CMYA5: variants seen among roughly 807,000 people sequenced by gnomAD.
CMYA5 encodes cardiomyopathy associated 5.
Under a neutral mutation model 318.9 loss-of-function variants are expected in CMYA5, and 246 were observed. The ratio of observed to expected loss-of-function variants is 0.77; its 90% CI spans 0.70 to 0.86. The LOEUF is 0.86. CMYA5 is among the 40% of genes least tolerant of loss of function. CMYA5 has a pLI of 0.00. For synonymous variants in CMYA5, 1,641 were observed against 1,729.5 expected (o/e 0.95, Z 1.27); for missense variants, 4,589 against 4,678.2 (o/e 0.98, Z 0.56).
chr5:79,766,304 T>C (rs1162322906), intron 9 of CMYA5, among the ~76,000 whole-genome samples: 3 of 152,168 alleles, frequency 2.0e-5, no homozygotes, highest in Non-Finnish European at 1.5e-5. Flanking sequence ...GGTTTCACCA[T>C]GTTAGCCAGG....
rs1157984930 is a variant in CMYA5 at position 79,729,587 on chromosome 5, C to A, written c.822C>A (p.Asp274Glu). The A allele has an allele frequency of 1.2e-6, 2 of 1,613,202 alleles. No individual in the cohort carries two copies. Among genetic ancestry groups the A allele is most frequent in the Non-Finnish European group, 1.7e-6 (2 of 1,179,334 alleles). Residue 274 changes from aspartate to glutamate, a missense_variant, in exon 2 of 13, where the codon GAC (aspartate) becomes GAA (glutamate). Physicochemically the swap from Asp to Glu is conservative, Grantham distance 45. Around this residue, in one of 3 missense-constraint regions of CMYA5, gnomAD observed 2,132 missense variants for 2,131.3 expected, o/e 1.00. Transcript: ENST00000446378. ...DASISLEPDL[D>E]NSGSNTVSKT... ...CCATTAGTCTAGAGCCAGATTTGGA[C>A]AATAGTGGTTCTAATACAGTGTCCA...
intron 5 of CMYA5, among the ~76,000 whole-genome samples, chr5:79,747,315 A>G (rs1223533826): frequency 1.3e-5 from 2 of 152,230 alleles, no homozygotes; most frequent in African/African-American, 2.4e-5. Context: ...TTAAATAACA[A>G]TTATCATAAT....
At chr5:79,794,578 C>T (rs752632713) in intron 12 of CMYA5, among the ~76,000 whole-genome samples, 65 of 152,314 alleles carry the variant, frequency 4.3e-4, no homozygotes, top group Admixed American at 9.8e-4. Context: ...TCATCTAGCT[C>T]AGCAGGGGAC....
chr5:79,723,324 A>C (rs1248103595), intron 1 of CMYA5, among the ~76,000 whole-genome samples: 1 of 152,062 alleles, frequency 6.6e-6, no homozygotes, highest in Non-Finnish European at 1.5e-5. Flanking sequence ...CTGTAATCCC[A>C]GCTACTCGGG....
chr5:79,757,964 T>G (rs1016476773), intron 6 of CMYA5, among the ~76,000 whole-genome samples: 1 of 152,228 alleles, frequency 6.6e-6, no homozygotes, highest in African/African-American at 2.4e-5. Flanking sequence ...GCGCGGTGGC[T>G]CACGCCTGTA....
intron 1 of CMYA5, among the ~76,000 whole-genome samples, chr5:79,699,660 G>C (rs1211658738): frequency 2.0e-5 from 3 of 152,186 alleles, no homozygotes. Context: ...AGTGAACCGA[G>C]GGTATCACCC....
At chr5:79,791,182 G>C in intron 11 of CMYA5, 113 bp downstream of exon 11, 1 of 679,762 alleles carries the variant, frequency 1.5e-6, no homozygotes, top group South Asian at 1.8e-5. Flanking sequence ...GAACATGTCG[G>C]GATGTGGTCT....
chr5:79,740,067 T>A (rs914954283), intron 2 of CMYA5, among the ~76,000 whole-genome samples: 2 of 152,182 alleles, frequency 1.3e-5, no homozygotes, highest in African/African-American at 2.4e-5. Flanking sequence ...ACTATTTACA[T>A]AGCATTTATA....
At position 79,731,505 on chromosome 5, in the gene CMYA5, C is replaced by G; in HGVS notation, c.2740C>G (p.Gln914Glu). Reference protein sequence around the residue: ...SVPPYATPEAQEEEIVHRSLN... With the variant: ...SVPPYATPEAEEEEIVHRSLN... The stretch of plus-strand genomic sequence containing the variant: ...ACCACCATATGCAACACCGGAGGCA[C>G]AGGAGGAAGAAATTGTCCATAGATC... The change falls in exon 2 of 13, where the codon CAG (glutamine) becomes GAG (glutamate). Residue 914 changes from glutamine (Q) to glutamate (E), a missense_variant. This residue lies in a region of CMYA5 where 2,132 missense variants were observed against 2,131.3 expected (regional missense o/e 1.00). Transcript: ENST00000446378. The G allele has an allele frequency of 2.5e-6, 4 of 1,604,024 alleles. No individual in the cohort carries two copies. The highest frequency in any genetic ancestry group is 3.4e-6 in the Non-Finnish European group (4 of 1,175,024).
At chr5:79,794,909 T>C (rs1023451964) in intron 12 of CMYA5, among the ~76,000 whole-genome samples, 1 of 152,304 alleles carries the variant, frequency 6.6e-6, no homozygotes, top group Non-Finnish European at 1.5e-5. Flanking sequence ...TGATATTCAG[T>C]GCTGTGCAAT....
At chr5:79,795,078 T>C (rs536141041) in intron 12 of CMYA5, among the ~76,000 whole-genome samples, 1 of 152,226 alleles carries the variant, frequency 6.6e-6, no homozygotes, top group African/African-American at 2.4e-5. Context: ...CAATAACAAA[T>C]TCCTAGGCTC....
chr5:79,703,963 G>A (rs957548303), intron 1 of CMYA5, among the ~76,000 whole-genome samples: 8 of 151,990 alleles, frequency 5.3e-5, no homozygotes, highest in African/African-American at 9.7e-5. Context: ...ATCGTGATGC[G>A]CACCTGTAGT....
Position 79,735,302 on chromosome 5 carries a change from A to G in CMYA5, c.6537A>G (p.Lys2179=). ...EKGKKGISSF[K]SWMSSLFFGS... ...GAAAGAAAGGAATTTCATCTTTCAA[A>G]TCGTGGATGTCCAGCTTGTTTTTTG... is the stretch of plus-strand genomic sequence containing the variant. Residue 2179 remains lysine, a synonymous_variant, in exon 2 of 13, where the codon AAA becomes AAG. Transcript: ENST00000446378. 6.2e-7 allele frequency: 1 copy of G among 1,613,882 alleles called. No individual in the cohort carries two copies.
intron 1 of CMYA5, among the ~76,000 whole-genome samples, chr5:79,700,804 G>A (rs1286177446): frequency 6.6e-6 from 1 of 152,130 alleles, no homozygotes; most frequent in Non-Finnish European, 1.5e-5. Flanking sequence ...AATAAGCCAA[G>A]CACAGATAGA....
At chr5:79,763,726 C>G (rs1452507081) in intron 9 of CMYA5, among the ~76,000 whole-genome samples, 1 of 152,204 alleles carries the variant, frequency 6.6e-6, no homozygotes, top group Admixed American at 6.5e-5. Flanking sequence ...ATGTGACGCA[C>G]TCTCACCAAG....
intron 6 of CMYA5, among the ~76,000 whole-genome samples, chr5:79,753,630 A>G (rs1407737074): frequency 6.6e-6 from 1 of 152,110 alleles, no homozygotes; most frequent in African/African-American, 2.4e-5. Context: ...AACAAAAACA[A>G]AAAAGATGGC....
rs1474147106 is a variant in CMYA5, at chr5:79,763,220, C to T, written c.11555+11C>T. ...GGGAGAGGGCCTCAGGTGAGGGGCC[C>T]TCTCCATGGGAGAGACTGCCCAGAG... is the stretch of plus-strand genomic sequence containing the variant. On this transcript the variant is annotated intron_variant, in intron 9 of 12. Transcript: ENST00000446378. 1 of 1,587,572 alleles carries T rather than the reference C, an allele frequency of 6.3e-7. No homozygotes were observed. The highest frequency in any genetic ancestry group is 8.6e-7 in the Non-Finnish European group (1 of 1,168,964).
Position 79,735,677 on chromosome 5 carries a change from C to G in CMYA5, c.6912C>G (p.Asn2304Lys), listed in dbSNP as rs1477268370. The G allele has an allele frequency of 5.0e-6, 8 of 1,611,290 alleles. No homozygotes were observed. Among genetic ancestry groups the G allele is most frequent in the Non-Finnish European group, 6.8e-6 (8 of 1,179,246 alleles). ...GCGATTCAGAGGAAATGAACATAAA[C>G]TCAGTAGTTACTTCTGCTGATGGTG... ...ISGDSEEMNI[N>K]SVVTSADGEN... Residue 2304 changes from asparagine (N) to lysine (K), a missense_variant, in exon 2 of 13, where the codon AAC becomes AAG. This residue lies in a region of CMYA5 where 2,431 missense variants were observed against 2,495.1 expected (regional missense o/e 0.97). Transcript: ENST00000446378.
chr5:79,769,669 G>T (rs768282090), intron 9 of CMYA5, among the ~76,000 whole-genome samples: 1 of 152,118 alleles, frequency 6.6e-6, no homozygotes, highest in Admixed American at 6.5e-5. Flanking sequence ...TCCTTCCTCC[G>T]GAAGCTTCAT....
Sources: allele counts gnomAD v4.1 joint callset (sites outside exome capture counted in the v4.1 genomes callset), GRCh38; gene constraint gnomAD v4.1.1; regional missense constraint gnomAD v4.1.1; transcripts MANE v1.5; gene names NCBI Gene and HGNC (gene_info 2026-07-23, HGNC 2026-07-21).